The following NFIA variants were observed in gnomAD, a reference collection of about 807,000 sequenced individuals.
NFIA encodes the protein nuclear factor 1 A-type.
In NFIA, 8 loss-of-function variants were observed where a neutral mutation model predicts 62.8. The observed-to-expected ratio is 0.13, with a 90% CI of 0.07 to 0.23. NFIA has a LOEUF of 0.23. Ranked by LOEUF, NFIA falls within the 10% of genes least tolerant of loss-of-function variation. NFIA has a pLI of 1.00. For missense variants in NFIA, 410 were observed against 642.1 expected, an observed-to-expected ratio of 0.64 and a Z score of 3.91; for synonymous variants, 235 against 238.1, an observed-to-expected ratio of 0.99 and a Z score of 0.12.
At chr1:61,373,013 A>G (rs1185680037) in intron 6 of NFIA, among the ~76,000 whole-genome samples, 1 of 152,142 alleles carries the variant, frequency 6.6e-6, no homozygotes, top group Admixed American at 6.6e-5. Context: ...CACTACCTTT[A>G]AAAAAATTCA....
chr1:61,208,430 A>G (rs1160687097), intron 2 of NFIA, among the ~76,000 whole-genome samples: 3 of 152,132 alleles, frequency 2.0e-5, no homozygotes, highest in African/African-American at 4.8e-5. Flanking sequence ...TTCTATCTGT[A>G]TGTTTGTTTT....
At chr1:61,179,232 A>G (rs950437704) in intron 2 of NFIA, among the ~76,000 whole-genome samples, 2 of 152,260 alleles carry the variant, frequency 1.3e-5, no homozygotes, top group African/African-American at 2.4e-5. Flanking sequence ...ATCAGTGCTG[A>G]TAAAGATGCA....
intron 2 of NFIA, among the ~76,000 whole-genome samples, chr1:61,206,270 A>G (rs1308560482): frequency 2.0e-5 from 3 of 152,068 alleles, no homozygotes; most frequent in African/African-American, 7.2e-5. Flanking sequence ...TTCATTTTTC[A>G]ATGTTTTGTA....
chr1:61,247,838 A>G (rs1655750024), intron 2 of NFIA, among the ~76,000 whole-genome samples: 2 of 152,222 alleles, frequency 1.3e-5, no homozygotes, highest in Non-Finnish European at 1.5e-5. Flanking sequence ...TCTACTGCCA[A>G]CATGATCCTG....
Position 61,104,359 on chromosome 1 carries a change from A to G in NFIA, c.559+15679A>G, listed in dbSNP as rs77898570. On this transcript the variant is annotated intron_variant, in intron 2 of 10. Transcript: ENST00000403491. ...CATGGTTACTTAATCCTAAGCTCTG[A>G]GAGGCACAGGAAGTAAAAGAAAAGT... 2.3e-4 allele frequency among the ~76,000 whole-genome samples: 35 copies of G among 152,188 alleles called. 2 individuals carry two copies. The East Asian group carries it at 6.7e-3, about 29-fold the overall frequency.
At chr1:61,337,033 G>A (rs1325713251) in intron 4 of NFIA, among the ~76,000 whole-genome samples, 3 of 152,146 alleles carry the variant, frequency 2.0e-5, no homozygotes, top group Non-Finnish European at 4.4e-5. Context: ...GGAGGGAGGT[G>A]CTATTTCAGT....
intron 5 of NFIA, among the ~76,000 whole-genome samples, chr1:61,358,542 C>T (rs530245290): frequency 5.6e-4 from 85 of 152,014 alleles, no homozygotes; most frequent in Middle Eastern, 6.8e-3. Flanking sequence ...CCTGCCACCA[C>T]ACCCAGCTAA....
intron 2 of NFIA, among the ~76,000 whole-genome samples, chr1:61,184,409 G>C (rs1414483439): frequency 2.6e-5 from 4 of 152,234 alleles, no homozygotes; most frequent in African/African-American, 9.6e-5. Context: ...ACTTTACCTT[G>C]TTTTGCATGC....
intron 2 of NFIA, among the ~76,000 whole-genome samples, chr1:61,089,763 A>T (rs1391145997): frequency 2.1e-5 from 3 of 145,942 alleles, no homozygotes; most frequent in Non-Finnish European, 4.5e-5. Flanking sequence ...TCTTCAAAAC[A>T]TTTTTAATTC....
At chr1:61,441,456 C>T (rs1350158711) in intron 10 of NFIA, among the ~76,000 whole-genome samples, 1 of 152,030 alleles carries the variant, frequency 6.6e-6, no homozygotes, top group African/African-American at 2.4e-5. Flanking sequence ...TCCCATCTAC[C>T]TTCACAGGCA....
chr1:61,151,132 C>T (rs185857044), intron 2 of NFIA, among the ~76,000 whole-genome samples: 111 of 152,282 alleles, frequency 7.3e-4, no homozygotes, highest in Admixed American at 2.1e-3. Context: ...GGAATCTTGC[C>T]TCCCTGGGCT....
At chr1:61,270,580 A>G (rs1377663900) in intron 2 of NFIA, among the ~76,000 whole-genome samples, 1 of 152,224 alleles carries the variant, frequency 6.6e-6, no homozygotes, top group Non-Finnish European at 1.5e-5. Context: ...TTATAGTAGG[A>G]AAGAATACAG....
intron 2 of NFIA, among the ~76,000 whole-genome samples, chr1:61,140,677 T>C (rs1272329121): frequency 1.3e-5 from 2 of 152,120 alleles, no homozygotes; most frequent in Non-Finnish European, 2.9e-5. Flanking sequence ...GGAAAGCTCC[T>C]TCCAAAAGGC....
intron 2 of NFIA, among the ~76,000 whole-genome samples, chr1:61,092,182 G>A (rs1438923904): frequency 6.6e-6 from 1 of 152,162 alleles, no homozygotes; most frequent in Non-Finnish European, 1.5e-5. Context: ...AAATCACAGT[G>A]AGCCATCTTC....
At chr1:61,202,247 A>G (rs996458782) in intron 2 of NFIA, among the ~76,000 whole-genome samples, 1 of 152,294 alleles carries the variant, frequency 6.6e-6, no homozygotes, top group Non-Finnish European at 1.5e-5. Context: ...AAATCCAACT[A>G]GGAAAAAGGC....
At chr1:61,247,195 T>C (rs139192226) in intron 2 of NFIA, among the ~76,000 whole-genome samples, 1 of 152,320 alleles carries the variant, frequency 6.6e-6, no homozygotes, top group Non-Finnish European at 1.5e-5. Flanking sequence ...GTTACAACTC[T>C]ATCACAAAAA....
At chr1:61,329,110 C>T (rs551967574) in intron 3 of NFIA, among the ~76,000 whole-genome samples, 7 of 147,956 alleles carry the variant, frequency 4.7e-5, no homozygotes, top group Middle Eastern at 3.5e-3. Context: ...TGCAGTGGCG[C>T]GATCTTGGCT....
Position 61,097,351 on chromosome 1 carries a change from G to A in NFIA, c.559+8671G>A, listed in dbSNP as rs374119403. On this transcript the variant is annotated intron_variant, in intron 2 of 10. Coordinates refer to ENST00000403491, the MANE Select transcript of NFIA (RefSeq NM_001134673.4). ...TGTAGTGCTCTACAGGTTAAAAAAA[G>A]TGAGGCGAAATTGAAACATTTAAAA... Among the ~76,000 whole-genome samples the A allele has an allele frequency of 2.7e-4, 41 of 152,244 alleles. No homozygotes were observed. In the East Asian group the frequency reaches 4.4e-3, roughly 17 times the overall value.
Position 61,257,869 on chromosome 1 carries a change from T to TTTTTTTTC in NFIA, c.560-19635_560-19628dup, listed in dbSNP as rs1332795170. On this transcript the variant is annotated intron_variant, in intron 2 of 10. Coordinates refer to ENST00000403491, the MANE Select transcript of NFIA (RefSeq NM_001134673.4). ...GGACTACATGCTTAGCTGTTTTTTTTTTTTTTTCTTTTTTTCTTTTTTTTT... is the reference window on the plus strand; with the variant it reads ...GGACTACATGCTTAGCTGTTTTTTTTTTTTTTTCTTTTTTTCTTTTTTTCTTTTTTTTT... 5.0e-5 allele frequency among the ~76,000 whole-genome samples: 7 copies of TTTTTTTTC among 139,714 alleles called. No individual in the cohort carries two copies. The East Asian group carries it at 1.5e-3, about 30-fold the overall frequency. 91.7% of individuals were successfully genotyped at this position (139,714 alleles called of 152,430 possible).
Sources: allele counts gnomAD v4.1 joint callset (sites outside exome capture counted in the v4.1 genomes callset), GRCh38; gene constraint gnomAD v4.1.1; transcripts MANE v1.5; gene names NCBI Gene and HGNC (gene_info 2026-07-23, HGNC 2026-07-21).